Variants in PDE11A observed in about 807,000 individuals in gnomAD.
PDE11A encodes phosphodiesterase 11A.
A neutral mutation model predicts 100.5 loss-of-function variants in PDE11A; 100 were observed. The ratio of observed to expected loss-of-function variants is 1.00; its 90% CI spans 0.85 to 1.18. The LOEUF (loss-of-function observed/expected upper bound fraction) is 1.18. PDE11A is among the 50% of genes most tolerant of loss of function. PDE11A has a pLI of 0.00. For synonymous variants in PDE11A, 381 were observed against 420.8 expected (o/e 0.91, Z 1.16); for missense variants, 1,141 against 1,152.6 (o/e 0.99, Z 0.15).
intron 2 of PDE11A, among the ~76,000 whole-genome samples, chr2:178,085,972 T>TAA (rs1024008929): frequency 3.9e-5 from 6 of 152,298 alleles, no homozygotes; most frequent in Admixed American, 3.9e-4. Flanking sequence ...TAAAAGACTG[T>TAA]AACTTAATAA....
chr2:178,012,561 C>T (rs1211075965), intron 2 of PDE11A, among the ~76,000 whole-genome samples: 1 of 152,110 alleles, frequency 6.6e-6, no homozygotes, highest in Non-Finnish European at 1.5e-5. Context: ...AGCTGGGACT[C>T]AGTCCCAGGC....
chr2:177,638,857 G>A (rs551237289), intron 19 of PDE11A, among the ~76,000 whole-genome samples: 1 of 152,290 alleles, frequency 6.6e-6, no homozygotes, highest in South Asian at 2.1e-4. Flanking sequence ...TCCCCAGGCT[G>A]TGTGACCTCT....
intron 16 of PDE11A, among the ~76,000 whole-genome samples, chr2:177,677,353 C>T (rs2080791659): frequency 6.6e-6 from 1 of 152,120 alleles, no homozygotes; most frequent in Admixed American, 6.5e-5. Flanking sequence ...CAAGGTTGTA[C>T]AGTTATTAAG....
Position 178,096,790 on chromosome 2 carries a change from G to A in PDE11A, c.162+7512C>T, listed in dbSNP as rs373083119. 2.0e-5 allele frequency among the ~76,000 whole-genome samples: 3 copies of A among 152,288 alleles called. No individual in the cohort carries two copies. The South Asian group carries it at 6.2e-4, about 32-fold the overall frequency. ...AAACCATTCAACAAGTTTCTAGGAA[G>A]CTCCCAACTTTCTCATATCTTCCTG... On this transcript the variant is annotated intron_variant, in intron 2 of 20. Transcript: ENST00000358450.
At chr2:177,925,934 G>T (rs955426314) in intron 2 of PDE11A, among the ~76,000 whole-genome samples, 1 of 152,188 alleles carries the variant, frequency 6.6e-6, no homozygotes, top group African/African-American at 2.4e-5. Context: ...TCAGGACAAG[G>T]CTAGCCAACT....
chr2:177,962,814 A>G (rs1344656190), intron 2 of PDE11A, among the ~76,000 whole-genome samples: 1 of 148,460 alleles, frequency 6.7e-6, no homozygotes, highest in African/African-American at 2.6e-5. Flanking sequence ...GAACACAAGT[A>G]AACTCAGGGG....
chr2:178,062,336 G>GAAAAA (rs11333080), intron 1 of PDE11A, among the ~76,000 whole-genome samples: 2 of 101,676 alleles, frequency 2.0e-5, no homozygotes, highest in Non-Finnish European at 2.1e-5. Context: ...CCTGAAGACA[G>GAAAAA]AAAAAAAAAA....
intron 1 of PDE11A, among the ~76,000 whole-genome samples, chr2:178,104,849 A>G (rs931543107): frequency 6.6e-6 from 1 of 152,208 alleles, no homozygotes; most frequent in Non-Finnish European, 1.5e-5. Flanking sequence ...ATGATGTAAA[A>G]CATATAGGTC....
In PDE11A at chr2:177,715,734, T is replaced by C. The variant is rs376541038; in HGVS notation, c.2044-3856A>G. 3.9e-5 allele frequency among the ~76,000 whole-genome samples: 6 copies of C among 152,242 alleles called. No individual in the cohort carries two copies. The South Asian group carries it at 1.0e-3, about 26-fold the overall frequency. On this transcript the variant is annotated intron_variant, in intron 12 of 19. Transcript: ENST00000286063. ...ATCTTTTCTTGTCTTTCTGAAGATA[T>C]TGATTATAATTCTTCTGAAAATTTC...
At chr2:178,002,712 G>A (rs1403181305) in intron 2 of PDE11A, among the ~76,000 whole-genome samples, 1 of 152,070 alleles carries the variant, frequency 6.6e-6, no homozygotes, top group East Asian at 1.9e-4. Context: ...TTAGACCAAT[G>A]GTTGATTAAT....
intron 19 of PDE11A, among the ~76,000 whole-genome samples, chr2:177,637,998 T>TATATATATATATATATATATATA (rs1491152209): frequency 4.5e-5 from 1 of 22,178 alleles, no homozygotes; most frequent in African/African-American, 1.2e-4. Flanking sequence ...TATATATATA[T>TATATATATATATATATATATATA]TTTTTTTTTT....
In PDE11A at chr2:178,072,412, C is replaced by T. The variant is rs1307968586; in HGVS notation, c.26G>A (p.Gly9Glu). The change falls in exon 1 of 20, where the codon GGG becomes GAG. Residue 9 changes from glycine to glutamate, a missense_variant. Transcript: ENST00000286063. ...CCTGTCCAGGAAAGTTTCCACCTCC[C>T]CAAAGTCCAGGCGGGAGGCTGCCAT... MAASRLDF[G>E]EVETFLDRHP... 1.9e-6 allele frequency: 3 copies of T among 1,613,448 alleles called. No individual in the cohort carries two copies. The highest frequency in any genetic ancestry group is 4.5e-5 in the East Asian group (2 of 44,896).
intron 9 of PDE11A, among the ~76,000 whole-genome samples, chr2:177,796,168 G>A (rs1324878141): frequency 6.6e-6 from 1 of 151,856 alleles, no homozygotes; most frequent in African/African-American, 2.4e-5. Flanking sequence ...CAGAACAGGA[G>A]CCTGGTTAGT....
chr2:177,986,257 T>C (rs565422412), intron 2 of PDE11A, among the ~76,000 whole-genome samples: 7 of 152,242 alleles, frequency 4.6e-5, no homozygotes, highest in Admixed American at 3.9e-4. Context: ...CCCTTCCCCA[T>C]TCTCAGCTTT....
rs1553475866 is a variant in PDE11A, at chr2:177,795,973, A to ATATATATATATATC, written c.1737+20855_1737+20856insGATATATATATATA. Among the ~76,000 whole-genome samples, 3 of 129,394 alleles carry ATATATATATATATC rather than the reference A, an allele frequency of 2.3e-5. 1 individual carries two copies. 84.9% of individuals were successfully genotyped at this position (129,394 alleles called of 152,430 possible). ...TATATATATATATATATATATATAT[A>ATATATATATATATC]TATCTTTGCTTTAAGATGCCAGTAT... On this transcript the variant is annotated intron_variant, in intron 9 of 19. Transcript: ENST00000286063.
At chr2:178,059,489 G>A (rs1046092851) in intron 1 of PDE11A, among the ~76,000 whole-genome samples, 1 of 152,184 alleles carries the variant, frequency 6.6e-6, no homozygotes, top group African/African-American at 2.4e-5. Flanking sequence ...GCAGGGGCTG[G>A]CCTAGGGAAG....
At chr2:177,649,845 T>A (rs922874577) in intron 19 of PDE11A, among the ~76,000 whole-genome samples, 2 of 152,214 alleles carry the variant, frequency 1.3e-5, no homozygotes, top group African/African-American at 4.8e-5. Flanking sequence ...TGAGGGTGTC[T>A]AAACTATTTA....
At chr2:177,921,676 T>C (rs2085050735) in intron 2 of PDE11A, 2 of 152,144 alleles carry the variant, frequency 1.3e-5, no homozygotes, top group Non-Finnish European at 2.9e-5. Flanking sequence ...ACTATACATA[T>C]TCTTCCAGAC....
chr2:177,884,300 A>G (rs897354671), intron 4 of PDE11A, among the ~76,000 whole-genome samples: 3 of 152,202 alleles, frequency 2.0e-5, no homozygotes, highest in African/African-American at 7.2e-5. Context: ...ATCCTTCCTC[A>G]TGACTCCTGT....
Sources: allele counts gnomAD v4.1 joint callset (sites outside exome capture counted in the v4.1 genomes callset), GRCh38; gene constraint gnomAD v4.1.1; transcripts MANE v1.5; gene names NCBI Gene and HGNC (gene_info 2026-07-23, HGNC 2026-07-21).